Variants in TBC1D16 observed in about 807,000 individuals in gnomAD.
The protein encoded by TBC1D16 is TBC1 domain family member 16.
A neutral mutation model predicts 74.7 loss-of-function variants in TBC1D16; 58 were observed. The ratio of observed to expected loss-of-function variants is 0.78; its 90% CI spans 0.63 to 0.97. The LOEUF (loss-of-function observed/expected upper bound fraction) is 0.97. TBC1D16 is among the 50% of genes least tolerant of loss of function. The pLI, the probability that TBC1D16 is intolerant of heterozygous loss-of-function variation, is 0.00. For synonymous variants in TBC1D16, 493 were observed against 474.7 expected, an observed-to-expected ratio of 1.04 and a Z score of -0.50; for missense variants, 1,014 against 1,079.5, an observed-to-expected ratio of 0.94 and a Z score of 0.85.
rs775537644 is a variant in TBC1D16 at position 79,971,168 on chromosome 17, G to A, written c.780-18350C>T. ...CTCCTGAGTAGCTGGGATTACAGGCGTGCACCACCAAGCCCGGCTAATTTG... is the reference window on the plus strand; with the variant it reads ...CTCCTGAGTAGCTGGGATTACAGGCATGCACCACCAAGCCCGGCTAATTTG... On this transcript the variant is annotated intron_variant, in intron 3 of 11. Transcript: ENST00000310924. The surrounding 1 kb of genome is among the most constrained non-coding windows in gnomAD (Gnocchi z 4.6). Among the ~76,000 whole-genome samples, 17 of 151,976 alleles carry A rather than the reference G, an allele frequency of 1.1e-4. No individual in the cohort carries two copies. Among genetic ancestry groups the A allele is most frequent in the Middle Eastern group, 3.4e-3 (1 of 294 alleles).
chr17:79,974,611 G>T (rs1035257824), intron 3 of TBC1D16, among the ~76,000 whole-genome samples: 3 of 152,158 alleles, frequency 2.0e-5, no homozygotes, highest in African/African-American at 7.2e-5. Context: ...AGTGAGGGGG[G>T]ACTATATGTA....
At chr17:79,948,237 C>T (rs894632863) in intron 8 of TBC1D16, among the ~76,000 whole-genome samples, 3 of 148,938 alleles carry the variant, frequency 2.0e-5, no homozygotes, top group Admixed American at 6.8e-5. Flanking sequence ...CGCTTGAACC[C>T]GGAAAGCGGA....
chr17:79,997,404 C>T (rs1225157062), intron 3 of TBC1D16, among the ~76,000 whole-genome samples: 3 of 151,312 alleles, frequency 2.0e-5, no homozygotes, highest in African/African-American at 4.9e-5. Flanking sequence ...AACTTTTAAA[C>T]GTGGCTAATG....
Position 79,949,816 on chromosome 17 carries a change from G to C in TBC1D16, c.1307C>G (p.Pro436Arg). 6.2e-7 allele frequency: 1 copy of C among 1,613,830 alleles called. No individual in the cohort carries two copies. Among genetic ancestry groups the C allele is most frequent in the Non-Finnish European group, 8.5e-7 (1 of 1,179,980 alleles). The change falls in exon 7 of 12, where the codon CCC (proline) becomes CGC (arginine). Residue 436 changes from proline (P) to arginine (R), a missense_variant. Pro to Arg is a moderately radical substitution (Grantham distance 103, BLOSUM62 -2). Coordinates refer to ENST00000310924, the MANE Select transcript of TBC1D16 (RefSeq NM_019020.4). ...IDVSIRGEVW[P>R]FLLRYYSHES... ...GTGGCTGTAATAGCGCAGCAGGAAGGGCCAGACCTCCCCGCGGATTGACAC... is the reference window on the plus strand; with the variant it reads ...GTGGCTGTAATAGCGCAGCAGGAAGCGCCAGACCTCCCCGCGGATTGACAC...
intron 3 of TBC1D16, among the ~76,000 whole-genome samples, chr17:79,957,769 G>T: frequency 6.6e-6 from 1 of 151,732 alleles, no homozygotes; most frequent in East Asian, 1.9e-4. Context: ...CTGTGCGTGT[G>T]GTGGGGGAGG....
rs144166221 is a variant in TBC1D16, at chr17:79,964,679, T to A, written c.780-11861A>T. Among the ~76,000 whole-genome samples, 293 of 152,258 alleles carry A rather than the reference T, an allele frequency of 1.9e-3. 1 individual carries two copies. The highest frequency in any genetic ancestry group is 6.7e-3 in the African/African-American group (277 of 41,538). On this transcript the variant is annotated intron_variant, in intron 3 of 11. Coordinates refer to ENST00000310924, the MANE Select transcript of TBC1D16 (RefSeq NM_019020.4). ...TATACTTCAATAAACTTGTAAAAAATACCACCAATATTCAACTCTCAGTAC... is the reference window on the plus strand; with the variant it reads ...TATACTTCAATAAACTTGTAAAAAAAACCACCAATATTCAACTCTCAGTAC...
intron 3 of TBC1D16, among the ~76,000 whole-genome samples, chr17:79,978,490 G>A (rs1405124255): frequency 2.6e-5 from 4 of 152,366 alleles, no homozygotes; most frequent in Non-Finnish European, 4.4e-5. Flanking sequence ...GCAACAATCC[G>A]CGGCAGGTAG....
At chr17:79,949,435 CTTCAGCTG>C (rs1255625074) in intron 7 of TBC1D16, among the ~76,000 whole-genome samples, 1 of 152,220 alleles carries the variant, frequency 6.6e-6, no homozygotes, top group Non-Finnish European at 1.5e-5. Flanking sequence ...CAGCCCCAGC[CTTCAGCTG>C]TGGGACGTCA....
At position 79,994,445 on chromosome 17, in the gene TBC1D16, C is replaced by T. The variant is rs1003361685; in HGVS notation, c.779+15715G>A. Among the ~76,000 whole-genome samples the T allele has an allele frequency of 3.9e-5, 6 of 152,164 alleles. No individual in the cohort carries two copies. Among genetic ancestry groups the T allele is most frequent in the Admixed American group, 6.5e-5 (1 of 15,274 alleles). On this transcript the variant is annotated intron_variant, in intron 3 of 11. Coordinates refer to ENST00000310924, the MANE Select transcript of TBC1D16 (RefSeq NM_019020.4). The surrounding 1 kb of genome is among the most constrained non-coding windows in gnomAD (Gnocchi z 4.6). Reference sequence around the variant, plus strand: ...TGTTTTGTTTATTTTTTTATTGAGACGAAGTCTCACTCTTGTCCCCCAGGC... The same window carrying T: ...TGTTTTGTTTATTTTTTTATTGAGATGAAGTCTCACTCTTGTCCCCCAGGC...
intron 8 of TBC1D16, 36 bp downstream of exon 8, chr17:79,948,836 T>G (rs1326628260): frequency 1.9e-6 from 3 of 1,613,312 alleles, no homozygotes; most frequent in Non-Finnish European, 2.5e-6. Flanking sequence ...CTTGCAGACT[T>G]GCAGATGGGA....
At position 79,956,843 on chromosome 17, in the gene TBC1D16, T is replaced by C. The variant is rs1485011846; in HGVS notation, c.780-4025A>G. ...TCCCAAGCACAGTGTCCTGAATTAATGAATCAATCCATTAATTAATGCAAA... is the reference window on the plus strand; with the variant it reads ...TCCCAAGCACAGTGTCCTGAATTAACGAATCAATCCATTAATTAATGCAAA... On this transcript the variant is annotated intron_variant, in intron 3 of 11. Coordinates refer to ENST00000310924, the MANE Select transcript of TBC1D16 (RefSeq NM_019020.4). The surrounding 1 kb of genome is among the most constrained non-coding windows in gnomAD (Gnocchi z 4.0). Among the ~76,000 whole-genome samples, 1 of 152,224 alleles carries C rather than the reference T, an allele frequency of 6.6e-6. No individual in the cohort carries two copies. The highest frequency in any genetic ancestry group is 6.5e-5 in the Admixed American group (1 of 15,290).
In TBC1D16 at chr17:80,010,663, C is replaced by T. The variant is rs2035858015; in HGVS notation, c.276G>A (p.Glu92=). The part of the protein sequence containing the change: ...VPNSRIQRQD[E]EALRYITPES... Reference sequence around the variant, plus strand: ...CGGGTGTGATGTAGCGCAGGGCCTCCTCGTCCTGCCTCTGGATGCGAGAGT... The same window carrying T: ...CGGGTGTGATGTAGCGCAGGGCCTCTTCGTCCTGCCTCTGGATGCGAGAGT... The change falls in exon 3 of 12, where the codon GAG becomes GAA. Residue 92 remains glutamate, a synonymous_variant. Transcript: ENST00000310924. This position sits in a 1 kb window ranked among gnomAD's most constrained non-coding sequence, Gnocchi z 8.8. 1 of 1,535,362 alleles carries T rather than the reference C, an allele frequency of 6.5e-7. No individual in the cohort carries two copies. The highest frequency in any genetic ancestry group is 2.1e-5 in the Admixed American group (1 of 46,566).
intron 3 of TBC1D16, among the ~76,000 whole-genome samples, chr17:79,966,189 T>C (rs557175879): frequency 9.9e-5 from 15 of 152,282 alleles, no homozygotes; most frequent in South Asian, 2.1e-4. Flanking sequence ...CGTGGCCTTC[T>C]TCCCTCTGTA....
intron 3 of TBC1D16, among the ~76,000 whole-genome samples, chr17:80,005,976 T>C (rs2035658926): frequency 6.6e-6 from 1 of 152,012 alleles, no homozygotes; most frequent in African/African-American, 2.4e-5. Flanking sequence ...GTTCTTCAGA[T>C]CCACCACTAG....
At chr17:79,992,149 A>G (rs1266081989) in intron 3 of TBC1D16, 1 of 152,226 alleles carries the variant, frequency 6.6e-6, no homozygotes, top group Non-Finnish European at 1.5e-5. Context: ...TGCTGCGGGC[A>G]CACAATGCGT....
intron 3 of TBC1D16, among the ~76,000 whole-genome samples, chr17:79,995,204 G>A (rs1307376711): frequency 1.3e-5 from 2 of 152,004 alleles, no homozygotes; most frequent in Non-Finnish European, 2.9e-5. Context: ...GGAGGCTGAG[G>A]TAGGAGAATT....
intron 3 of TBC1D16, among the ~76,000 whole-genome samples, chr17:79,972,584 CT>C (rs1192652004): frequency 6.6e-6 from 1 of 152,200 alleles, no homozygotes; most frequent in East Asian, 1.9e-4. Context: ...CATGATTCCA[CT>C]CCTATCAGGT....
intron 1 of TBC1D16, among the ~76,000 whole-genome samples, chr17:80,027,327 T>TG (rs2036613230): frequency 6.6e-6 from 1 of 151,902 alleles, no homozygotes; most frequent in African/African-American, 2.4e-5. Flanking sequence ...CTGGGCATGG[T>TG]GGCATGTGCC....
chr17:79,967,002 AG>A (rs1471743326), intron 3 of TBC1D16, among the ~76,000 whole-genome samples: 2 of 152,234 alleles, frequency 1.3e-5, no homozygotes, highest in African/African-American at 4.8e-5. Flanking sequence ...CAAATCCAAC[AG>A]CATTTCAAAA....
Sources: gnomAD v4.1 joint callset for allele counts (sites outside exome capture counted in the v4.1 genomes callset) on GRCh38, gnomAD v4.1.1 for gene constraint, Gnocchi (gnomAD v3.1) non-coding constraint, MANE v1.5 for transcripts, NCBI Gene and HGNC (gene_info 2026-07-23, HGNC 2026-07-21) for gene names.